GRM1: variants seen among roughly 807,000 people sequenced by gnomAD.
The protein encoded by GRM1 is glutamate metabotropic receptor 1.
GRM1 carries 33 observed loss-of-function variants against 90.9 expected under a neutral mutation model. The ratio of observed to expected loss-of-function variants is 0.36; its 90% CI spans 0.28 to 0.49. The LOEUF (loss-of-function observed/expected upper bound fraction) is 0.49, where lower values mean the gene tolerates loss of function less well. Ranked by LOEUF, GRM1 falls within the 20% of genes least tolerant of loss-of-function variation. The pLI is 0.99. For synonymous variants in GRM1, 700 were observed against 613.2 expected, an observed-to-expected ratio of 1.14 and a Z score of -2.09; for missense variants, 1,190 against 1,534.3, an observed-to-expected ratio of 0.78 and a Z score of 3.75.
At chr6:146,196,560 CT>C (rs993591855) in intron 2 of GRM1, among the ~76,000 whole-genome samples, 8 of 150,902 alleles carry the variant, frequency 5.3e-5, no homozygotes, top group Admixed American at 4.0e-4. Context: ...CCACCTTGGC[CT>C]CCCAAAGTGC....
intron 1 of GRM1, among the ~76,000 whole-genome samples, chr6:146,135,497 A>G (rs1159079041): frequency 2.0e-5 from 3 of 152,224 alleles, no homozygotes; most frequent in African/African-American, 7.2e-5. Context: ...ACAGACACAT[A>G]GTAAGAGATG....
At chr6:146,180,429 A>T (rs1033718492) in intron 2 of GRM1, among the ~76,000 whole-genome samples, 1 of 152,168 alleles carries the variant, frequency 6.6e-6, no homozygotes, top group Non-Finnish European at 1.5e-5. Context: ...ATTTTTACAT[A>T]ATGAGGTTAT....
At chr6:146,391,361 T>A (rs562038580) in intron 6 of GRM1, among the ~76,000 whole-genome samples, 1 of 152,034 alleles carries the variant, frequency 6.6e-6, no homozygotes, top group Non-Finnish European at 1.5e-5. Flanking sequence ...TAGCTCTGAG[T>A]TCTCTGTAAT....
intron 1 of GRM1, among the ~76,000 whole-genome samples, chr6:146,096,011 T>C (rs886457481): frequency 1.3e-5 from 2 of 152,170 alleles, no homozygotes; most frequent in African/African-American, 4.8e-5. Flanking sequence ...GACGCAGATT[T>C]ATTACCAACT....
chr6:146,331,859 G>A (rs913025393), intron 3 of GRM1, among the ~76,000 whole-genome samples: 1 of 152,118 alleles, frequency 6.6e-6, no homozygotes, highest in African/African-American at 2.4e-5. Context: ...GCCATCAGTT[G>A]CCCTTGAAGA....
rs776276211 is a variant in GRM1 at position 146,434,250 on chromosome 6, G to T, written c.3039G>T (p.Leu1013Phe). Residue 1013 changes from leucine to phenylalanine, a missense_variant, in exon 8 of 8, where the codon TTG becomes TTT. Physicochemically the swap from Leu to Phe is conservative, Grantham distance 22. Transcript: ENST00000282753. Reference protein sequence around the residue: ...FLAEPALPKGLPPPLQQQQQP... With the variant: ...FLAEPALPKGFPPPLQQQQQP... ...CCGAACCAGCCCTCCCCAAGGGCTT[G>T]CCCCCTCCTCTCCAGCAGCAGCAGC... 6.9e-6 allele frequency: 11 copies of T among 1,601,152 alleles called. No individual in the cohort carries two copies. The highest frequency in any genetic ancestry group is 9.4e-6 in the Non-Finnish European group (11 of 1,171,920).
intron 3 of GRM1, among the ~76,000 whole-genome samples, chr6:146,320,469 G>T (rs1225250730): frequency 1.3e-5 from 2 of 152,132 alleles, no homozygotes; most frequent in Non-Finnish European, 2.9e-5. Flanking sequence ...TCAGGATGAT[G>T]CTGGCCTCAT....
At chr6:146,183,328 T>C (rs1778615116) in intron 2 of GRM1, among the ~76,000 whole-genome samples, 1 of 152,218 alleles carries the variant, frequency 6.6e-6, no homozygotes, top group Non-Finnish European at 1.5e-5. Flanking sequence ...TTCTTTCTTT[T>C]GGTTGTCCAT....
At chr6:146,424,950 T>G (rs945517324) in intron 7 of GRM1, among the ~76,000 whole-genome samples, 3 of 152,220 alleles carry the variant, frequency 2.0e-5, no homozygotes, top group Non-Finnish European at 4.4e-5. Context: ...ATCTTTTGAT[T>G]TCGAGTAGGC....
At chr6:146,173,085 TTGAC>T (rs1399277014) in intron 2 of GRM1, among the ~76,000 whole-genome samples, 1 of 152,074 alleles carries the variant, frequency 6.6e-6, no homozygotes, top group Non-Finnish European at 1.5e-5. Flanking sequence ...TGCAAGTTCT[TTGAC>T]TGGAAAACTC....
intron 2 of GRM1, among the ~76,000 whole-genome samples, chr6:146,208,567 A>T (rs1399599005): frequency 6.6e-6 from 1 of 152,158 alleles, no homozygotes; most frequent in Non-Finnish European, 1.5e-5. Context: ...GGACTCTGCC[A>T]ATCTTTCTTC....
At chr6:146,282,874 A>G (rs1782625593) in intron 2 of GRM1, among the ~76,000 whole-genome samples, 1 of 152,202 alleles carries the variant, frequency 6.6e-6, no homozygotes, top group African/African-American at 2.4e-5. Context: ...TGGATAACTG[A>G]GAAGAAATAA....
intron 3 of GRM1, among the ~76,000 whole-genome samples, chr6:146,325,179 T>G (rs530456318): frequency 1.3e-5 from 2 of 151,588 alleles, no homozygotes; most frequent in South Asian, 4.1e-4. Context: ...TAGTGAAGTC[T>G]TCTTCTCTGT....
intron 6 of GRM1, among the ~76,000 whole-genome samples, chr6:146,390,304 A>G (rs1193722527): frequency 6.6e-6 from 1 of 151,876 alleles, no homozygotes. Context: ...TTTTTTGGCT[A>G]TGAAGAAATT....
intron 7 of GRM1, among the ~76,000 whole-genome samples, chr6:146,428,928 T>C (rs1018286566): frequency 1.3e-5 from 2 of 152,192 alleles, no homozygotes; most frequent in Non-Finnish European, 2.9e-5. Flanking sequence ...CTTCTATACT[T>C]TACTGAATTT....
chr6:146,294,205 A>G (rs933679927), intron 2 of GRM1, among the ~76,000 whole-genome samples: 8 of 151,892 alleles, frequency 5.3e-5, no homozygotes, highest in Non-Finnish European at 8.8e-5. Flanking sequence ...TTTAAAAAAT[A>G]TAAGCATTTC....
chr6:146,429,798 G>T (rs141098814), intron 7 of GRM1, among the ~76,000 whole-genome samples: 31 of 152,272 alleles, frequency 2.0e-4, no homozygotes, highest in African/African-American at 6.7e-4. Context: ...CACTTTCAGA[G>T]AAAACAAATG....
At chr6:146,188,575 C>T (rs1482603027) in intron 2 of GRM1, among the ~76,000 whole-genome samples, 1 of 152,144 alleles carries the variant, frequency 6.6e-6, no homozygotes, top group African/African-American at 2.4e-5. Flanking sequence ...ATGTTTAATT[C>T]TCCCCATACC....
intron 1 of GRM1, among the ~76,000 whole-genome samples, chr6:146,043,672 C>T (rs1017807837): frequency 2.6e-5 from 4 of 151,080 alleles, no homozygotes; most frequent in African/African-American, 7.3e-5. Context: ...AGAATATATT[C>T]TAGCTTATGT....
Sources: allele counts gnomAD v4.1 joint callset (sites outside exome capture counted in the v4.1 genomes callset), GRCh38; gene constraint gnomAD v4.1.1; transcripts MANE v1.5; gene names NCBI Gene and HGNC (gene_info 2026-07-23, HGNC 2026-07-21).